Variants in MDGA2 observed in about 807,000 individuals in gnomAD.
MDGA2 encodes MAM domain-containing glycosylphosphatidylinositol anchor protein 2.
Under a neutral mutation model 117.8 loss-of-function variants are expected in MDGA2, and 40 were observed. The ratio of observed to expected loss-of-function variants is 0.34; its 90% CI spans 0.26 to 0.44. MDGA2 has a LOEUF of 0.44. Among genes scored for constraint, MDGA2 ranks in the 20% least tolerant of loss-of-function variants. MDGA2 has a pLI of 1.00. For synonymous variants in MDGA2, 452 were observed against 439.0 expected (o/e 1.03, Z -0.37); for missense variants, 1,123 against 1,250.6 (o/e 0.90, Z 1.54).
intron 1 of MDGA2, among the ~76,000 whole-genome samples, chr14:47,449,049 A>G (rs1893186001): frequency 6.6e-6 from 1 of 152,190 alleles, no homozygotes; most frequent in Non-Finnish European, 1.5e-5. Context: ...AGTTCTTTCC[A>G]GACGAATCTT....
At chr14:47,578,540 C>A (rs1369576725) in intron 1 of MDGA2, among the ~76,000 whole-genome samples, 2 of 152,102 alleles carry the variant, frequency 1.3e-5, no homozygotes, top group African/African-American at 4.8e-5. Flanking sequence ...TTCAGTTCCC[C>A]AGCCAAGCAA....
At chr14:46,992,924 A>T (rs1490337485) in intron 8 of MDGA2, among the ~76,000 whole-genome samples, 1 of 152,202 alleles carries the variant, frequency 6.6e-6, no homozygotes, top group African/African-American at 2.4e-5. Flanking sequence ...ATATCATTTA[A>T]TATTGACAAG....
rs1393994496 is a variant in MDGA2 at position 46,840,884 on chromosome 14, AAT to A, written c.*1045_*1046del. ...CAATGGAAGTGATTTTCTAATGGACAATAAGCCGAAAGGCCATGGCTGTCTAG... is the reference window on the plus strand; with the variant it reads ...CAATGGAAGTGATTTTCTAATGGACAAAGCCGAAAGGCCATGGCTGTCTAG... On this transcript the variant is annotated 3_prime_UTR_variant, in exon 17 of 17. Coordinates refer to ENST00000399232, the MANE Select transcript of MDGA2 (RefSeq NM_001113498.3). 1.3e-5 allele frequency: 2 copies of A among 152,624 alleles called. No individual in the cohort carries two copies. The highest frequency in any genetic ancestry group is 3.8e-4 in the East Asian group (2 of 5,198). 9.5% of individuals were successfully genotyped at this position (152,624 alleles called of 1,614,324 possible).
intron 5 of MDGA2, among the ~76,000 whole-genome samples, chr14:47,113,219 A>C (rs995559058): frequency 2.0e-5 from 3 of 152,180 alleles, no homozygotes; most frequent in African/African-American, 7.2e-5. Context: ...ATCTAGAAGA[A>C]ATTAATAAAT....
At chr14:47,045,048 T>G (rs1277753942) in intron 7 of MDGA2, among the ~76,000 whole-genome samples, 1 of 152,152 alleles carries the variant, frequency 6.6e-6, no homozygotes, top group Admixed American at 6.6e-5. Flanking sequence ...CCAGCAGGTG[T>G]TGCTATGGCA....
intron 1 of MDGA2, among the ~76,000 whole-genome samples, chr14:47,667,819 G>GAA (rs2138310911): frequency 6.6e-6 from 1 of 152,082 alleles, no homozygotes; most frequent in South Asian, 2.1e-4. Context: ...AACAAAACAA[G>GAA]ACAAAAAATA....
intron 8 of MDGA2, among the ~76,000 whole-genome samples, chr14:47,002,429 T>A (rs542116804): frequency 1.3e-5 from 2 of 152,066 alleles, no homozygotes; most frequent in Non-Finnish European, 2.9e-5. Context: ...ACTTATCTCT[T>A]ACATTAAAAA....
At chr14:47,443,753 C>G (rs940548819) in intron 1 of MDGA2, among the ~76,000 whole-genome samples, 7 of 152,062 alleles carry the variant, frequency 4.6e-5, no homozygotes, top group Non-Finnish European at 1.0e-4. Context: ...AGAAAGACAC[C>G]TTTCACCTGT....
intron 16 of MDGA2, among the ~76,000 whole-genome samples, chr14:46,843,491 A>G (rs1880699513): frequency 6.6e-6 from 1 of 152,088 alleles, no homozygotes; most frequent in Admixed American, 6.5e-5. Flanking sequence ...GCATTAGAAA[A>G]ACTGTTCTTT....
intron 1 of MDGA2, among the ~76,000 whole-genome samples, chr14:47,589,620 C>T (rs1291829070): frequency 6.6e-6 from 1 of 151,870 alleles, no homozygotes; most frequent in East Asian, 1.9e-4. Context: ...ATTTGTTAGT[C>T]TTTTGCAACA....
At chr14:47,381,111 A>T (rs1025777172) in intron 1 of MDGA2, among the ~76,000 whole-genome samples, 91 of 152,332 alleles carry the variant, frequency 6.0e-4, no homozygotes, top group African/African-American at 2.1e-3. Flanking sequence ...GACAAAAACC[A>T]CATGATTATC....
intron 5 of MDGA2, among the ~76,000 whole-genome samples, chr14:47,105,991 C>G (rs186730327): frequency 1.3e-5 from 2 of 151,404 alleles, no homozygotes; most frequent in East Asian, 2.0e-4. Flanking sequence ...AGCCCTCCCC[C>G]TCCTGCCCAG....
At chr14:47,417,381 G>A (rs1466886206) in intron 1 of MDGA2, among the ~76,000 whole-genome samples, 1 of 152,088 alleles carries the variant, frequency 6.6e-6, no homozygotes, top group East Asian at 1.9e-4. Flanking sequence ...TTTATGACAA[G>A]GATCACCTTT....
intron 4 of MDGA2, among the ~76,000 whole-genome samples, chr14:47,136,859 A>G (rs899203745): frequency 6.1e-4 from 93 of 152,320 alleles, no homozygotes; most frequent in African/African-American, 2.0e-3. Flanking sequence ...AAAAATCTTT[A>G]CATTAGGGTA....
chr14:47,070,637 G>A (rs967076294), intron 6 of MDGA2, among the ~76,000 whole-genome samples: 21 of 151,672 alleles, frequency 1.4e-4, no homozygotes, highest in African/African-American at 3.2e-4. Context: ...ACATAGTCTC[G>A]TTCTGTCACC....
chr14:47,512,289 T>G (rs1437850807), intron 1 of MDGA2, among the ~76,000 whole-genome samples: 2 of 152,194 alleles, frequency 1.3e-5, no homozygotes, highest in African/African-American at 2.4e-5. Context: ...TTTTAAAAAG[T>G]GACCTTGAAA....
rs374730326 is a variant in MDGA2 at position 47,062,082 on chromosome 14, G to A, written c.1196-504C>T. Among the ~76,000 whole-genome samples the A allele has an allele frequency of 1.7e-4, 26 of 151,932 alleles. No homozygotes were observed. The East Asian group carries it at 2.9e-3, about 17-fold the overall frequency. On this transcript the variant is annotated intron_variant, in intron 6 of 16. Coordinates refer to ENST00000399232, the MANE Select transcript of MDGA2 (RefSeq NM_001113498.3). ...TCTATATGTTGATCAACACTAGTTC[G>A]GTAATATTTGAGTCCATTCACATTC...
At chr14:47,110,060 C>G (rs8006382) in intron 5 of MDGA2, among the ~76,000 whole-genome samples, 20,969 of 151,900 alleles carry the variant, frequency 0.14, 1,667 homozygotes, top group African/African-American at 0.19. Flanking sequence ...GTTATGACAA[C>G]TTGCAAGTTA....
At chr14:47,542,558 T>A (rs557554600) in intron 1 of MDGA2, among the ~76,000 whole-genome samples, 1 of 152,322 alleles carries the variant, frequency 6.6e-6, no homozygotes, top group Non-Finnish European at 1.5e-5. Flanking sequence ...ATATTTATAC[T>A]CTTACTGGTA....
Sources: gnomAD v4.1 joint callset for allele counts (sites outside exome capture counted in the v4.1 genomes callset) on GRCh38, gnomAD v4.1.1 for gene constraint, MANE v1.5 for transcripts, NCBI Gene and HGNC (gene_info 2026-07-23, HGNC 2026-07-21) for gene names.